The following DAB1 variants were observed in gnomAD, a reference collection of about 807,000 sequenced individuals.
The protein encoded by DAB1 is DAB adaptor protein 1, also known as disabled homolog 1.
In DAB1, 15 loss-of-function variants were observed where a neutral mutation model predicts 64.6. The ratio of observed to expected loss-of-function variants is 0.23; its 90% confidence interval spans 0.16 to 0.36. The LOEUF (loss-of-function observed/expected upper bound fraction) is 0.36, where lower values mean the gene tolerates loss of function less well. Among genes scored for constraint, DAB1 ranks in the 10% least tolerant of loss-of-function variants. DAB1 has a pLI of 1.00. For synonymous variants in DAB1, 235 were observed against 251.9 expected (o/e 0.93, Z 0.64); for missense variants, 596 against 706.7 (o/e 0.84, Z 1.78).
chr1:57,637,633 G>T (rs1410793241), intron 7 of DAB1, among the ~76,000 whole-genome samples: 1 of 152,124 alleles, frequency 6.6e-6, no homozygotes, highest in Non-Finnish European at 1.5e-5. Context: ...TTAGACAAGG[G>T]CCAGGGTATG....
At chr1:57,552,093 T>C (rs1644920717) in intron 7 of DAB1, among the ~76,000 whole-genome samples, 1 of 152,200 alleles carries the variant, frequency 6.6e-6, no homozygotes, top group Non-Finnish European at 1.5e-5. Flanking sequence ...AGGGCAGTGC[T>C]ACTGTCTTCT....
intron 3 of DAB1, among the ~76,000 whole-genome samples, chr1:58,492,989 C>G (rs537846994): frequency 8.6e-4 from 131 of 152,280 alleles, no homozygotes; most frequent in Non-Finnish European, 1.2e-3. Context: ...ACCAATATCC[C>G]TGATGAACAT....
intron 6 of DAB1, among the ~76,000 whole-genome samples, chr1:57,750,754 T>C (rs1231977097): frequency 2.0e-5 from 3 of 152,156 alleles, no homozygotes; most frequent in African/African-American, 7.2e-5. Context: ...GCAGGCATCC[T>C]CAAGTTGCCT....
chr1:58,199,098 C>T (rs1657854466), intron 4 of DAB1, among the ~76,000 whole-genome samples: 1 of 152,172 alleles, frequency 6.6e-6, no homozygotes, highest in African/African-American at 2.4e-5. Flanking sequence ...CAGTCCAAGA[C>T]TCAGTCTCAA....
intron 1 of DAB1, chr1:57,860,430 C>A (rs949082211): frequency 6.6e-6 from 1 of 152,142 alleles, no homozygotes; most frequent in African/African-American, 2.4e-5. Context: ...TTAAGGCTCC[C>A]TCATGGCATG....
At chr1:57,740,852 G>T (rs181426784) in intron 6 of DAB1, among the ~76,000 whole-genome samples, 1 of 152,282 alleles carries the variant, frequency 6.6e-6, no homozygotes, top group East Asian at 1.9e-4. Context: ...AAATGTGTCA[G>T]TATAGACAAA....
intron 4 of DAB1, chr1:58,228,974 C>G (rs1433829105): frequency 2.3e-6 from 1 of 442,760 alleles, no homozygotes; most frequent in African/African-American, 2.0e-5. Flanking sequence ...ACAGCACATG[C>G]TCCACCAGCC....
In DAB1 at chr1:57,015,295, C is replaced by T. The variant is rs764941520; in HGVS notation, c.1032G>A (p.Pro344=). The T allele has an allele frequency of 1.6e-5, 26 of 1,613,996 alleles. No individual in the cohort carries two copies. Among genetic ancestry groups the T allele is most frequent in the Non-Finnish European group, 1.9e-5 (22 of 1,180,044 alleles). Residue 344 remains proline, a synonymous_variant, in exon 12 of 15, where the codon CCG becomes CCA. Coordinates refer to ENST00000371236, the MANE Select transcript of DAB1 (RefSeq NM_001365792.1). ...GCTGCTGAGTGGCAGGAAAGAGACC[C>T]GGCTGGCCCCATGCGATGGGCTGAG... ...PGAQPIAWGQ[P]GLFPATQQPW...
At chr1:57,437,357 G>C (rs745589002) in intron 7 of DAB1, among the ~76,000 whole-genome samples, 4 of 152,096 alleles carry the variant, frequency 2.6e-5, no homozygotes, top group Non-Finnish European at 4.4e-5. Context: ...CAAGGGAAAA[G>C]TCACCACTCT....
At chr1:58,508,612 T>TG (rs1646026087) in intron 2 of DAB1, among the ~76,000 whole-genome samples, 1 of 152,178 alleles carries the variant, frequency 6.6e-6, no homozygotes, top group African/African-American at 2.4e-5. Context: ...AGGAAAAACT[T>TG]GGCTTGTGTA....
chr1:58,312,297 A>G (rs1335299310), intron 4 of DAB1, among the ~76,000 whole-genome samples: 2 of 152,232 alleles, frequency 1.3e-5, no homozygotes, highest in Non-Finnish European at 2.9e-5. Flanking sequence ...TTCTTCATAC[A>G]TTCTAATAAA....
At chr1:58,187,497 C>A (rs534065138) in intron 4 of DAB1, among the ~76,000 whole-genome samples, 1 of 150,750 alleles carries the variant, frequency 6.6e-6, no homozygotes, top group East Asian at 1.9e-4. Context: ...AGCCTGACTA[C>A]AAAGCACCCA....
intron 6 of DAB1, among the ~76,000 whole-genome samples, chr1:57,728,844 A>G (rs1020411297): frequency 3.3e-5 from 5 of 152,228 alleles, no homozygotes; most frequent in African/African-American, 1.2e-4. Flanking sequence ...AATGGGATCA[A>G]TAATGGCACT....
At position 57,915,164 on chromosome 1, in the gene DAB1, C is replaced by T. The variant is rs79696891; in HGVS notation, n.388-31002G>A. Among the ~76,000 whole-genome samples, 5 of 147,666 alleles carry T rather than the reference C, an allele frequency of 3.4e-5. No individual in the cohort carries two copies. The South Asian group carries it at 6.4e-4, about 19-fold the overall frequency. On this transcript the variant is annotated intron_variant and non_coding_transcript_variant, in intron 5 of 20. Transcript: ENST00000485760. ...AAAAAAAGAACTGGAAGGAAATACCCGGAAGGAAAAAAAGAACTGGAAAGA... is the reference window on the plus strand; with the variant it reads ...AAAAAAAGAACTGGAAGGAAATACCTGGAAGGAAAAAAAGAACTGGAAAGA...
At chr1:57,243,612 C>T (rs918861090) in intron 2 of DAB1, among the ~76,000 whole-genome samples, 7 of 152,188 alleles carry the variant, frequency 4.6e-5, no homozygotes, top group African/African-American at 1.7e-4. Flanking sequence ...ACTTCCAGGA[C>T]TCCCATTCTA....
At chr1:57,894,375 T>G (rs528480695) in intron 5 of DAB1, among the ~76,000 whole-genome samples, 1 of 152,128 alleles carries the variant, frequency 6.6e-6, no homozygotes, top group African/African-American at 2.4e-5. Flanking sequence ...GGGGGAGATA[T>G]GGTATGTGCT....
chr1:58,214,172 C>T (rs1052424720), intron 4 of DAB1, among the ~76,000 whole-genome samples: 5 of 152,140 alleles, frequency 3.3e-5, no homozygotes, highest in Admixed American at 6.6e-5. Flanking sequence ...CCTCAAAATC[C>T]TACATGCCAT....
chr1:57,897,444 T>A (rs989094935), intron 5 of DAB1, among the ~76,000 whole-genome samples: 1 of 152,212 alleles, frequency 6.6e-6, no homozygotes, highest in Non-Finnish European at 1.5e-5. Context: ...TTTCTCTCAA[T>A]TGATTTCACA....
At chr1:57,275,409 G>C (rs948519299) in intron 2 of DAB1, among the ~76,000 whole-genome samples, 11 of 152,152 alleles carry the variant, frequency 7.2e-5, no homozygotes, top group African/African-American at 2.7e-4. Context: ...CCAAGAATAG[G>C]AAAGATGACC....
Sources: gnomAD v4.1 joint callset for allele counts (sites outside exome capture counted in the v4.1 genomes callset) on GRCh38, gnomAD v4.1.1 for gene constraint, MANE v1.5 for transcripts, NCBI Gene and HGNC (gene_info 2026-07-23, HGNC 2026-07-21) for gene names.